Variants in WDR37 observed in about 807,000 individuals in gnomAD.
WDR37 encodes WD repeat-containing protein 37.
WDR37 carries 19 observed loss-of-function variants against 62.9 expected under a neutral mutation model. That is an observed-to-expected ratio of 0.30 (90% CI 0.21 to 0.44). The LOEUF (loss-of-function observed/expected upper bound fraction) is 0.44. Among genes scored for constraint, WDR37 ranks in the 20% least tolerant of loss-of-function variants. The pLI is 1.00. For synonymous variants in WDR37, 250 were observed against 260.9 expected (o/e 0.96, Z 0.40); for missense variants, 474 against 657.6 (o/e 0.72, Z 3.05).
In WDR37 at chr10:1,110,602, G is replaced by A. The variant is rs976790313; in HGVS notation, c.1103+5335G>A. On this transcript the variant is annotated intron_variant, in intron 11 of 13. Coordinates refer to ENST00000263150, the MANE Select transcript of WDR37 (RefSeq NM_014023.4). ...GCCCCAGCACACCTGGGTGAGGTCC[G>A]GGGTGCGGGTTTAGTTCCTGAGAGG... Among the ~76,000 whole-genome samples the A allele has an allele frequency of 2.6e-5, 4 of 152,328 alleles. No homozygotes were observed. The East Asian group carries it at 5.8e-4, about 22-fold the overall frequency.
chr10:1,097,476 G>T (rs1023850661), intron 9 of WDR37, among the ~76,000 whole-genome samples: 2 of 152,264 alleles, frequency 1.3e-5, no homozygotes, highest in African/African-American at 4.8e-5. Flanking sequence ...CACCCTTCAA[G>T]ATGAGGGAAG....
chr10:1,093,174 G>A (rs564804034), intron 7 of WDR37, among the ~76,000 whole-genome samples: 26 of 152,148 alleles, frequency 1.7e-4, no homozygotes, highest in African/African-American at 5.5e-4. Context: ...TTTATTTTTA[G>A]CTAAAAATGA....
intron 7 of WDR37, among the ~76,000 whole-genome samples, chr10:1,090,661 G>A (rs1834354823): frequency 6.6e-6 from 1 of 152,238 alleles, no homozygotes; most frequent in South Asian, 2.1e-4. Flanking sequence ...GAGGGTCCCA[G>A]TTTCACTGTG....
In WDR37 at chr10:1,083,618, C is replaced by T. The variant is rs144400512; in HGVS notation, c.397-785C>T. Among the ~76,000 whole-genome samples the T allele has an allele frequency of 7.5e-3, 1,135 of 152,326 alleles. 18 individuals are homozygous for T. Among genetic ancestry groups the T allele is most frequent in the African/African-American group, 0.026 (1,070 of 41,570 alleles). Reference sequence around the variant, plus strand: ...TTTAAAAAGCAAACTCTGCAGAAATCGTTGTGTTGAATTAGTTTCTTCCTC... The same window carrying T: ...TTTAAAAAGCAAACTCTGCAGAAATTGTTGTGTTGAATTAGTTTCTTCCTC... On this transcript the variant is annotated intron_variant, in intron 5 of 13. Transcript: ENST00000263150.
chr10:1,129,423 C>T lies in WDR37; in HGVS notation c.*79C>T. On this transcript the variant is annotated 3_prime_UTR_variant, in exon 14 of 14. Transcript: ENST00000263150. Reference sequence around the variant, plus strand: ...GCAGGCTTTTCTGCGTATTAATCAGCCATTTTTGTGAGAGTTTGACCCTGG... The same window carrying T: ...GCAGGCTTTTCTGCGTATTAATCAGTCATTTTTGTGAGAGTTTGACCCTGG... 1.3e-6 allele frequency: 2 copies of T among 1,575,722 alleles called. No homozygotes were observed. The highest frequency in any genetic ancestry group is 2.3e-5 in the East Asian group (1 of 44,194).
In WDR37 at chr10:1,122,556, G is replaced by A. The variant is rs565255274; in HGVS notation, c.1104-1662G>A. Among the ~76,000 whole-genome samples, 30 of 152,348 alleles carry A rather than the reference G, an allele frequency of 2.0e-4. 1 individual carries two copies. The East Asian group carries it at 2.7e-3, about 14-fold the overall frequency. ...ACCCCAGCCCTGAGCCAGGCAGGAC[G>A]CGCAGCCCCCTGGCCGTTGCTGAAG... is the stretch of plus-strand genomic sequence containing the variant. On this transcript the variant is annotated intron_variant, in intron 11 of 13. Transcript: ENST00000263150.
At chr10:1,109,971 A>AG (rs1193101689) in intron 11 of WDR37, among the ~76,000 whole-genome samples, 2 of 152,158 alleles carry the variant, frequency 1.3e-5, no homozygotes, top group African/African-American at 4.8e-5. Flanking sequence ...TCCAGGCTGT[A>AG]GGCTGTGCTT....
chr10:1,069,389 A>ATATATTTTTTTT, intron 1 of WDR37, among the ~76,000 whole-genome samples: 7 of 95,778 alleles, frequency 7.3e-5, no homozygotes, highest in African/African-American at 3.3e-4. Flanking sequence ...ATATATATAT[A>ATATATTTTTTTT]TTTTTTTTTT....
chr10:1,073,160 C>T (rs768866246), intron 2 of WDR37, among the ~76,000 whole-genome samples: 7 of 151,948 alleles, frequency 4.6e-5, no homozygotes, highest in Admixed American at 1.3e-4. Flanking sequence ...GAAGTCTAGA[C>T]GCAGTATATT....
chr10:1,110,281 C>T (rs1010085261), intron 11 of WDR37, among the ~76,000 whole-genome samples: 1 of 152,164 alleles, frequency 6.6e-6, no homozygotes, highest in Admixed American at 6.5e-5. Context: ...CCGTGGACGC[C>T]TTTATTGAAC....
At chr10:1,099,566 G>A (rs372445740) in intron 9 of WDR37, among the ~76,000 whole-genome samples, 32 of 152,340 alleles carry the variant, frequency 2.1e-4, no homozygotes, top group African/African-American at 7.2e-4. Flanking sequence ...TTAACTGCAT[G>A]TATTGTGTAT....
In WDR37 at chr10:1,079,695, C is replaced by T. The variant is rs561347036; in HGVS notation, c.236-316C>T. ...GATTACAGGCATGCACCACCACGCCCGGCTATTTTTTGTATTTTCAGTAGA... is the reference window on the plus strand; with the variant it reads ...GATTACAGGCATGCACCACCACGCCTGGCTATTTTTTGTATTTTCAGTAGA... On this transcript the variant is annotated intron_variant, in intron 3 of 13. Transcript: ENST00000263150. Among the ~76,000 whole-genome samples, 31 of 152,014 alleles carry T rather than the reference C, an allele frequency of 2.0e-4. No homozygotes were observed. In the East Asian group the frequency reaches 4.7e-3, roughly 23 times the overall value.
chr10:1,123,105 G>A (rs1014803281), intron 11 of WDR37, among the ~76,000 whole-genome samples: 9 of 151,932 alleles, frequency 5.9e-5, no homozygotes, highest in African/African-American at 9.7e-5. Context: ...GGGCCTCTTC[G>A]GTTCCTCGAG....
chr10:1,092,798 A>G (rs750417625), intron 7 of WDR37, among the ~76,000 whole-genome samples: 5 of 147,410 alleles, frequency 3.4e-5, no homozygotes, highest in Non-Finnish European at 5.9e-5. Flanking sequence ...TGAGCCTTGA[A>G]GGTCAAAGCT....
At chr10:1,107,305 G>A (rs1320135096) in intron 11 of WDR37, among the ~76,000 whole-genome samples, 1 of 6,204 alleles carries the variant, frequency 1.6e-4, no homozygotes, top group African/African-American at 7.9e-4. Context: ...ACTGTGTAGG[G>A]CGGGGCAGAG....
chr10:1,069,439 A>G lies in WDR37; in HGVS notation c.-40-2677A>G, dbSNP rs74117698. Among the ~76,000 whole-genome samples the G allele has an allele frequency of 9.2e-3, 1,289 of 140,384 alleles. 16 individuals carry two copies. The highest frequency in any genetic ancestry group is 0.022 in the African/African-American group (832 of 37,948). The allele number at this position is 140,384 out of a possible 152,430, so 92.1% of individuals were successfully genotyped here. ...GGTGAATGGTTAAACAAATGGTTAA[A>G]TGTCCATACTGTGGACACTAGCTAG... On this transcript the variant is annotated intron_variant, in intron 1 of 13. Transcript: ENST00000263150.
chr10:1,080,869 G>A (rs540709848), intron 5 of WDR37, among the ~76,000 whole-genome samples: 8 of 150,942 alleles, frequency 5.3e-5, no homozygotes, highest in East Asian at 3.9e-4. Context: ...TTACACCACC[G>A]CACTCTAGCC....
chr10:1,104,696 T>A (rs1370307779), intron 10 of WDR37, among the ~76,000 whole-genome samples: 1 of 152,210 alleles, frequency 6.6e-6, no homozygotes, highest in African/African-American at 2.4e-5. Flanking sequence ...TGGGGCCATC[T>A]TGGGATGCTG....
At chr10:1,058,307 T>A (rs1177705667) in intron 1 of WDR37, among the ~76,000 whole-genome samples, 1 of 152,192 alleles carries the variant, frequency 6.6e-6, no homozygotes, top group African/African-American at 2.4e-5. Context: ...AAGGTTACGT[T>A]ATGTAATATA....
Sources: allele counts gnomAD v4.1 joint callset (sites outside exome capture counted in the v4.1 genomes callset), GRCh38; gene constraint gnomAD v4.1.1; transcripts MANE v1.5; gene names NCBI Gene and HGNC (gene_info 2026-07-23, HGNC 2026-07-21).